VGLL3: variants seen among roughly 807,000 people sequenced by gnomAD.
The protein encoded by VGLL3 is vestigial like family member 3.
A neutral mutation model predicts 29.2 loss-of-function variants in VGLL3; 18 were observed. The ratio of observed to expected loss-of-function variants is 0.62; its 90% CI spans 0.43 to 0.91. The LOEUF is 0.91. Ranked by LOEUF, VGLL3 falls within the 40% of genes least tolerant of loss-of-function variation. The probability of loss-of-function intolerance (pLI) is 0.00; values close to 1 mark genes in which losing one functional copy is unlikely to be tolerated. For synonymous variants in VGLL3, 180 were observed against 151.8 expected, an observed-to-expected ratio of 1.19 and a Z score of -1.36; for missense variants, 440 against 413.2, an observed-to-expected ratio of 1.06 and a Z score of -0.56.
In VGLL3 at chr3:86,941,656, T is replaced by C. The variant is rs1425960051; in HGVS notation, c.*5368A>G. 6.6e-6 allele frequency: 1 copy of C among 151,986 alleles called. No homozygotes were observed. The highest frequency in any genetic ancestry group is 1.5e-5 in the Non-Finnish European group (1 of 67,966). The allele number at this position is 151,986 out of a possible 1,614,324, so 9.4% of individuals were successfully genotyped here. A position where few individuals can be genotyped will look rare whatever the true frequency, so the allele number is the denominator to read the frequency against. ...TACTTTGACCAATACTTTAAAACTA[T>C]AAAAGTATTTTTAAACAAAAAAGCA... On this transcript the variant is annotated 3_prime_UTR_variant, in exon 4 of 4. Transcript: ENST00000398399.
In VGLL3 at chr3:86,978,707, C is replaced by A. The variant is rs1469526311; in HGVS notation, c.222G>T (p.Glu74Asp). The A allele has an allele frequency of 1.3e-6, 2 of 1,508,462 alleles. No individual in the cohort carries two copies. Among genetic ancestry groups the A allele is most frequent in the Non-Finnish European group, 1.8e-6 (2 of 1,116,560 alleles). 93.4% of individuals were successfully genotyped at this position (1,508,462 alleles called of 1,614,324 possible). ...EEEDEEEEEEEKDQPAEMEYL... is the reference protein window; with the variant it reads ...EEEDEEEEEEDKDQPAEMEYL... The stretch of plus-strand genomic sequence containing the variant: ...ACTCCATCTCGGCAGGCTGGTCTTT[C>A]TCCTCCTCCTCCTCCTCCTCATCCT... Residue 74 changes from glutamate to aspartate, a missense_variant, in exon 2 of 4, where the codon GAG becomes GAT. Transcript: ENST00000398399.
intron 3 of VGLL3, 53 bp downstream of exon 3, chr3:86,968,537 T>G: frequency 6.5e-7 from 1 of 1,529,240 alleles, no homozygotes; most frequent in Non-Finnish European, 8.8e-7. Flanking sequence ...ATTTCCACCC[T>G]TTCTTAAATT....
intron 2 of VGLL3, among the ~76,000 whole-genome samples, chr3:86,971,738 T>C (rs986294406): frequency 6.6e-6 from 1 of 152,228 alleles, no homozygotes; most frequent in Non-Finnish European, 1.5e-5. Context: ...GTGATGGTCA[T>C]TTGTAAAATA....
intron 3 of VGLL3, among the ~76,000 whole-genome samples, chr3:86,959,956 C>G (rs1361724856): frequency 2.0e-5 from 3 of 152,056 alleles, no homozygotes; most frequent in African/African-American, 7.2e-5. Flanking sequence ...AGATCTATCT[C>G]TCTTTCATGG....
intron 3 of VGLL3, among the ~76,000 whole-genome samples, chr3:86,958,771 A>G (rs1704777945): frequency 6.6e-6 from 1 of 152,116 alleles, no homozygotes; most frequent in Non-Finnish European, 1.5e-5. Flanking sequence ...CATGCATCTC[A>G]AAGATGGTTT....
At chr3:86,971,933 G>A (rs1398444839) in intron 2 of VGLL3, among the ~76,000 whole-genome samples, 4 of 152,104 alleles carry the variant, frequency 2.6e-5, no homozygotes, top group African/African-American at 9.7e-5. Context: ...CTCCCGAGGG[G>A]CTAGAATCCT....
At chr3:86,948,118 C>A (rs1189957037) in intron 3 of VGLL3, among the ~76,000 whole-genome samples, 1 of 151,678 alleles carries the variant, frequency 6.6e-6, no homozygotes, top group Non-Finnish European at 1.5e-5. Flanking sequence ...TGTTTTTGTA[C>A]CTGAAGTATA....
intron 1 of VGLL3, among the ~76,000 whole-genome samples, chr3:86,983,453 G>A (rs757570531): frequency 7.2e-5 from 11 of 152,108 alleles, no homozygotes; most frequent in Non-Finnish European, 1.0e-4. Context: ...GTGCAATGGC[G>A]TGACCACGGC....
chr3:86,960,647 T>C (rs1049775471), intron 3 of VGLL3, among the ~76,000 whole-genome samples: 27 of 152,088 alleles, frequency 1.8e-4, no homozygotes, highest in African/African-American at 6.0e-4. Context: ...GTCTGGCAAA[T>C]AACCATTGTC....
At chr3:86,970,176 A>G (rs773974553) in intron 2 of VGLL3, among the ~76,000 whole-genome samples, 6 of 152,200 alleles carry the variant, frequency 3.9e-5, no homozygotes, top group Non-Finnish European at 7.3e-5. Flanking sequence ...CTAACTCTTC[A>G]TCAGTTCAAT....
chr3:86,942,137 C>A lies in VGLL3; in HGVS notation c.*4887G>T, dbSNP rs1313882984. The A allele has an allele frequency of 3.3e-5, 5 of 152,042 alleles. No individual in the cohort carries two copies. Among genetic ancestry groups the A allele is most frequent in the African/African-American group, 1.2e-4 (5 of 41,376 alleles). The allele number at this position is 152,042 out of a possible 1,614,324, so 9.4% of individuals were successfully genotyped here. ...ACTGTAATTTCTCTCTCAAACAAGCCTTTCTTATTCTGAAAGATGTCTTTT... is the reference window on the plus strand; with the variant it reads ...ACTGTAATTTCTCTCTCAAACAAGCATTTCTTATTCTGAAAGATGTCTTTT... On this transcript the variant is annotated 3_prime_UTR_variant, in exon 4 of 4. Transcript: ENST00000398399.
chr3:86,971,160 T>C lies in VGLL3; in HGVS notation c.404-2037A>G, dbSNP rs115371369. Among the ~76,000 whole-genome samples, 1,147 of 152,328 alleles carry C rather than the reference T, an allele frequency of 7.5e-3. 18 individuals are homozygous for C. The highest frequency in any genetic ancestry group is 0.025 in the African/African-American group (1,042 of 41,576). On this transcript the variant is annotated intron_variant, in intron 2 of 3. Coordinates refer to ENST00000398399, the MANE Select transcript of VGLL3 (RefSeq NM_016206.4). Reference sequence around the variant, plus strand: ...AAGAATATTCAAAACTCTGACATTATCTATGTTCTCTCTATAAATATCAGG... The same window carrying C: ...AAGAATATTCAAAACTCTGACATTACCTATGTTCTCTCTATAAATATCAGG...
chr3:86,973,120 G>A (rs934282751), intron 2 of VGLL3, among the ~76,000 whole-genome samples: 6 of 151,274 alleles, frequency 4.0e-5, no homozygotes, highest in African/African-American at 1.2e-4. Flanking sequence ...TAAAATCTCC[G>A]AGTAAAAAAT....
chr3:86,990,646 T>G lies in VGLL3; in HGVS notation c.98A>C (p.Tyr33Ser). Residue 33 changes from tyrosine to serine, a missense_variant, in exon 1 of 4, where the codon TAT becomes TCT. Transcript: ENST00000398399. ...MAATTCPTAY[Y>S]QPAPQPGQQK... ...CTGGCCAGGTTGGGGCGCCGGCTGA[T>G]AGTAGGCTGTGGGGCAGGTTGTCGC... is the stretch of plus-strand genomic sequence containing the variant. The G allele has an allele frequency of 7.2e-7, 1 of 1,386,982 alleles. No individual in the cohort carries two copies. The highest frequency in any genetic ancestry group is 9.4e-7 in the Non-Finnish European group (1 of 1,064,854). 85.9% of individuals were successfully genotyped at this position (1,386,982 alleles called of 1,614,324 possible).
intron 3 of VGLL3, among the ~76,000 whole-genome samples, chr3:86,948,906 G>C (rs1272315574): frequency 6.6e-6 from 1 of 152,142 alleles, no homozygotes; most frequent in Non-Finnish European, 1.5e-5. Context: ...AGAATAATTT[G>C]CAACCTGACA....
In VGLL3 at chr3:86,960,932, GATATATATATATATAT is replaced by G. The variant is rs57744873; in HGVS notation, c.937+7642_937+7657del. Among the ~76,000 whole-genome samples the G allele has an allele frequency of 4.9e-4, 68 of 137,942 alleles. No homozygotes were observed. In the East Asian group the frequency reaches 0.012, roughly 24 times the overall value. The allele number at this position is 137,942 out of a possible 152,430, so 90.5% of individuals were successfully genotyped here. A position where few individuals can be genotyped will look rare whatever the true frequency, so the allele number is the denominator to read the frequency against. ...TATTAGGTTATGCAAAAGTAATTGT[GATATATATATATATAT>G]ATATATATATATATATATGCATATG... On this transcript the variant is annotated intron_variant, in intron 3 of 3. Coordinates refer to ENST00000398399, the MANE Select transcript of VGLL3 (RefSeq NM_016206.4).
rs113625006 is a variant in VGLL3, at chr3:86,979,324, G to A, written c.127-522C>T. ...TAGCATCTTATAAAAGGATTTGGCAGATGTGCTGAACTCATGTCTTCAAAA... is the reference window on the plus strand; with the variant it reads ...TAGCATCTTATAAAAGGATTTGGCAAATGTGCTGAACTCATGTCTTCAAAA... On this transcript the variant is annotated intron_variant, in intron 1 of 3. Coordinates refer to ENST00000398399, the MANE Select transcript of VGLL3 (RefSeq NM_016206.4). 4.3e-3 allele frequency among the ~76,000 whole-genome samples: 649 copies of A among 152,252 alleles called. 3 individuals are homozygous for A. Among genetic ancestry groups the A allele is most frequent in the African/African-American group, 0.015 (626 of 41,550 alleles).
chr3:86,983,749 G>T (rs983539843), intron 1 of VGLL3, among the ~76,000 whole-genome samples: 1 of 152,154 alleles, frequency 6.6e-6, no homozygotes, highest in African/African-American at 2.4e-5. Context: ...AGAAGGATAG[G>T]TCAAGTTATA....
chr3:86,985,065 C>T (rs1331621052), intron 1 of VGLL3, among the ~76,000 whole-genome samples: 4 of 152,118 alleles, frequency 2.6e-5, no homozygotes, highest in Admixed American at 6.5e-5. Context: ...AAGCTTCTGG[C>T]CCTTAGCTTC....
Sources: allele counts gnomAD v4.1 joint callset (sites outside exome capture counted in the v4.1 genomes callset), GRCh38; gene constraint gnomAD v4.1.1; transcripts MANE v1.5; gene names NCBI Gene and HGNC (gene_info 2026-07-23, HGNC 2026-07-21).